The following SIPA1L3 variants were observed in gnomAD, a reference collection of about 807,000 sequenced individuals.
The protein encoded by SIPA1L3 is signal induced proliferation associated 1 like 3.
In SIPA1L3, 59 loss-of-function variants were observed where a neutral mutation model predicts 150.1. That is an observed-to-expected ratio of 0.39 (90% CI 0.32 to 0.49). The LOEUF (loss-of-function observed/expected upper bound fraction) is 0.49. Among genes scored for constraint, SIPA1L3 ranks in the 20% least tolerant of loss-of-function variants. The pLI, the probability that SIPA1L3 is intolerant of heterozygous loss-of-function variation, is 0.86. For missense variants in SIPA1L3, 2,211 were observed against 2,489.5 expected, an observed-to-expected ratio of 0.89 and a Z score of 2.38; for synonymous variants, 1,070 against 1,077.6, an observed-to-expected ratio of 0.99 and a Z score of 0.14.
intron 20 of SIPA1L3, among the ~76,000 whole-genome samples, chr19:38,202,579 C>T (rs1182810328): frequency 3.9e-5 from 6 of 152,018 alleles, no homozygotes; most frequent in Non-Finnish European, 8.8e-5. Context: ...CAGAGGGAGA[C>T]TCCATCTCAA....
At chr19:38,112,354 G>A (rs1970784119) in intron 8 of SIPA1L3, among the ~76,000 whole-genome samples, 1 of 152,116 alleles carries the variant, frequency 6.6e-6, no homozygotes, top group African/African-American at 2.4e-5. Flanking sequence ...GCCTTCTTAT[G>A]ATGCATCAGA....
At chr19:38,114,035 G>A (rs773974955) in intron 8 of SIPA1L3, among the ~76,000 whole-genome samples, 5 of 152,106 alleles carry the variant, frequency 3.3e-5, no homozygotes, top group Admixed American at 6.6e-5. Flanking sequence ...ACCTTCAGCC[G>A]TTTGCAATTT....
chr19:38,151,037 C>A (rs1170791386), intron 12 of SIPA1L3, among the ~76,000 whole-genome samples: 1 of 152,170 alleles, frequency 6.6e-6, no homozygotes, highest in South Asian at 2.1e-4. Context: ...TATCAAGGGC[C>A]AGATTCCTTC....
At chr19:38,166,646 C>T (rs1006992978) in intron 15 of SIPA1L3, among the ~76,000 whole-genome samples, 1 of 152,038 alleles carries the variant, frequency 6.6e-6, no homozygotes, top group South Asian at 2.1e-4. Context: ...GGTTCTGTGA[C>T]CCCAGCAGGG....
intron 3 of SIPA1L3, 107 bp downstream of exon 3, chr19:38,083,206 G>GA: frequency 8.5e-7 from 1 of 1,170,078 alleles, no homozygotes; most frequent in Non-Finnish European, 1.2e-6. Flanking sequence ...TGGCACTGAG[G>GA]ATGTGGCGGG....
intron 3 of SIPA1L3, among the ~76,000 whole-genome samples, chr19:38,087,012 CCA>C (rs1970146617): frequency 6.6e-6 from 1 of 152,118 alleles, no homozygotes; most frequent in African/African-American, 2.4e-5. Context: ...TTGAAGATGT[CCA>C]GATATTGAGG....
intron 2 of SIPA1L3, among the ~76,000 whole-genome samples, chr19:38,042,841 G>A (rs887914118): frequency 2.0e-5 from 3 of 152,032 alleles, no homozygotes; most frequent in African/African-American, 7.2e-5. Context: ...TCATTCATTC[G>A]ACATTGATAT....
chr19:37,950,076 C>CAAAAA (rs35506284), intron 1 of SIPA1L3, among the ~76,000 whole-genome samples: 3 of 55,696 alleles, frequency 5.4e-5, no homozygotes, highest in East Asian at 4.9e-4. Flanking sequence ...GACTGTGTCT[C>CAAAAA]AAAAAAAAAA....
In SIPA1L3 at chr19:38,130,731, G is replaced by A. The variant is rs923458208; in HGVS notation, c.3102G>A (p.Lys1034=). The A allele has an allele frequency of 9.9e-6, 16 of 1,612,504 alleles. No homozygotes were observed. The highest frequency in any genetic ancestry group is 1.3e-5 in the Non-Finnish European group (15 of 1,178,792). ...TGCTGCGCACCTCTGTCACTGTGAAGGTGGTCATCATCCCGCCTTTTGAGG... is the reference window on the plus strand; with the variant it reads ...TGCTGCGCACCTCTGTCACTGTGAAAGTGGTCATCATCCCGCCTTTTGAGG... The part of the protein sequence containing the change: ...IDLLRTSVTV[K]VVIIPPFEDG... The change falls in exon 10 of 22, where the codon AAG becomes AAA. Residue 1034 remains lysine, a synonymous_variant. Coordinates refer to ENST00000222345, the MANE Select transcript of SIPA1L3 (RefSeq NM_015073.3).
intron 1 of SIPA1L3, among the ~76,000 whole-genome samples, chr19:37,957,837 G>C (rs1599840459): frequency 6.6e-6 from 1 of 152,004 alleles, no homozygotes; most frequent in South Asian, 2.1e-4. Flanking sequence ...TTAGCTTCTG[G>C]AGTAGCTGTG....
chr19:38,074,258 C>G (rs1175632580), intron 2 of SIPA1L3, among the ~76,000 whole-genome samples: 1 of 152,244 alleles, frequency 6.6e-6, no homozygotes, highest in East Asian at 1.9e-4. Flanking sequence ...AGACGAAGGC[C>G]TGCAAGAACA....
intron 1 of SIPA1L3, among the ~76,000 whole-genome samples, chr19:38,000,418 A>G (rs1447590536): frequency 4.7e-5 from 7 of 149,868 alleles, no homozygotes; most frequent in Non-Finnish European, 1.0e-4. Context: ...CAGTGAGCCT[A>G]GATCACGCTA....
At chr19:37,946,300 T>TG (rs1315996901) in intron 1 of SIPA1L3, among the ~76,000 whole-genome samples, 21 of 151,754 alleles carry the variant, frequency 1.4e-4, no homozygotes, top group African/African-American at 3.9e-4. Flanking sequence ...CCACACTTTT[T>TG]TTTGTGTGTG....
intron 12 of SIPA1L3, 115 bp from the exon 13 acceptor site, chr19:38,152,725 C>A: frequency 8.9e-7 from 1 of 1,128,976 alleles, no homozygotes; most frequent in Non-Finnish European, 1.2e-6. Flanking sequence ...TCATCCACAG[C>A]GGAGCCTCCC....
chr19:38,162,472 C>T, intron 14 of SIPA1L3, 101 bp downstream of exon 14: 1 of 828,740 alleles, frequency 1.2e-6, no homozygotes, highest in Non-Finnish European at 2.0e-6. Flanking sequence ...CTGCCACCTT[C>T]CACTCAGCAG....
At chr19:38,116,953 T>C (rs1970900832) in intron 8 of SIPA1L3, among the ~76,000 whole-genome samples, 1 of 152,194 alleles carries the variant, frequency 6.6e-6, no homozygotes, top group Non-Finnish European at 1.5e-5. Flanking sequence ...CTTTTAGCAA[T>C]AATCTGCCAA....
intron 6 of SIPA1L3, among the ~76,000 whole-genome samples, chr19:38,104,959 G>A (rs1030240251): frequency 5.9e-5 from 9 of 152,150 alleles, no homozygotes; most frequent in African/African-American, 2.2e-4. Context: ...GCCCTGGCTT[G>A]AGCAGATACC....
intron 1 of SIPA1L3, among the ~76,000 whole-genome samples, chr19:37,980,903 C>T (rs573226775): frequency 6.6e-6 from 1 of 152,318 alleles, no homozygotes; most frequent in African/African-American, 2.4e-5. Context: ...CAGGCCTGTT[C>T]CTCCTGCCTC....
chr19:37,936,786 GGT>G (rs1670982406), intron 1 of SIPA1L3, among the ~76,000 whole-genome samples: 1 of 152,118 alleles, frequency 6.6e-6, no homozygotes, highest in Non-Finnish European at 1.5e-5. Context: ...ATACTGCTTT[GGT>G]TAATTACAGG....
Sources: gnomAD v4.1 joint callset for allele counts (sites outside exome capture counted in the v4.1 genomes callset) on GRCh38, gnomAD v4.1.1 for gene constraint, MANE v1.5 for transcripts, NCBI Gene and HGNC (gene_info 2026-07-23, HGNC 2026-07-21) for gene names.